The following PCDHGA1 variants were observed in gnomAD, a reference collection of about 807,000 sequenced individuals.
PCDHGA1 encodes the protein protocadherin gamma subfamily A, 1, also known as protocadherin gamma-A1.
Under a neutral mutation model 58.0 loss-of-function variants are expected in PCDHGA1, and 32 were observed. The observed-to-expected ratio is 0.55, with a 90% CI of 0.42 to 0.74. PCDHGA1 has a LOEUF of 0.74. Among genes scored for constraint, PCDHGA1 ranks in the 30% least tolerant of loss-of-function variants. The pLI is 0.00. For missense variants in PCDHGA1, 1,205 were observed against 1,182.3 expected, an observed-to-expected ratio of 1.02 and a Z score of -0.28; for synonymous variants, 498 against 501.1, an observed-to-expected ratio of 0.99 and a Z score of 0.08.
intron 1 of PCDHGA1, among the ~76,000 whole-genome samples, chr5:141,433,847 A>C (rs979302028): frequency 6.6e-6 from 1 of 151,976 alleles, no homozygotes; most frequent in South Asian, 2.1e-4. Context: ...CAAAAAAAAA[A>C]AAAAAAAACT....
At position 141,485,135 on chromosome 5, in the gene PCDHGA1, G is replaced by A; in HGVS notation, c.2422-9672G>A. 6.7e-7 allele frequency: 1 copy of A among 1,500,498 alleles called. No individual in the cohort carries two copies. Among genetic ancestry groups the A allele is most frequent in the East Asian group, 2.3e-5 (1 of 44,254 alleles). 92.9% of individuals were successfully genotyped at this position (1,500,498 alleles called of 1,614,324 possible). A position where few individuals can be genotyped will look rare whatever the true frequency, so the allele number is the denominator to read the frequency against. On this transcript the variant is annotated intron_variant, in intron 1 of 3. Coordinates refer to ENST00000517417, the MANE Select transcript of PCDHGA1 (RefSeq NM_018912.3). The surrounding 1 kb of genome is among the most constrained non-coding windows in gnomAD (Gnocchi z 5.7). ...TGTTTGGGGCGGGTCGGCTTCATCCGCGTCTCAGGAGCAAGTAGAGAATTA... is the reference window on the plus strand; with the variant it reads ...TGTTTGGGGCGGGTCGGCTTCATCCACGTCTCAGGAGCAAGTAGAGAATTA...
chr5:141,413,994 G>A, intron 1 of PCDHGA1: 1 of 1,613,422 alleles, frequency 6.2e-7, no homozygotes, highest in Non-Finnish European at 8.5e-7. Context: ...CCACCGACAG[G>A]GACGAAGGTG....
In PCDHGA1 at chr5:141,476,335, C is replaced by A; in HGVS notation, c.2422-18472C>A. On this transcript the variant is annotated intron_variant, in intron 1 of 3. Coordinates refer to ENST00000517417, the MANE Select transcript of PCDHGA1 (RefSeq NM_018912.3). The surrounding 1 kb of genome is among the most constrained non-coding windows in gnomAD (Gnocchi z 7.6). Reference sequence around the variant, plus strand: ...GGTTCCGGGTGGTGTCTGGAGCTAGCCGAAGATTCTTTGAGGTGAACCGGG... The same window carrying A: ...GGTTCCGGGTGGTGTCTGGAGCTAGACGAAGATTCTTTGAGGTGAACCGGG... 2 of 1,614,120 alleles carry A rather than the reference C, an allele frequency of 1.2e-6. No individual in the cohort carries two copies. Among genetic ancestry groups the A allele is most frequent in the Non-Finnish European group, 1.7e-6 (2 of 1,180,026 alleles).
At position 141,489,380 on chromosome 5, in the gene PCDHGA1, A is replaced by G. The variant is rs753226956; in HGVS notation, c.2422-5427A>G. ...TCTGAGCCGGGGACGCTGGTGGGGA[A>G]TGTTGCTCAGGATCTGGGCTTAAAG... is the stretch of plus-strand genomic sequence containing the variant. On this transcript the variant is annotated intron_variant, in intron 1 of 3. Transcript: ENST00000517417. The surrounding 1 kb of genome is among the most constrained non-coding windows in gnomAD (Gnocchi z 4.5). The G allele has an allele frequency of 1.9e-6, 3 of 1,613,874 alleles. No individual in the cohort carries two copies. Among genetic ancestry groups the G allele is most frequent in the Admixed American group, 1.7e-5 (1 of 60,026 alleles).
At chr5:141,453,552 A>G (rs1005017830) in intron 1 of PCDHGA1, among the ~76,000 whole-genome samples, 2 of 152,188 alleles carry the variant, frequency 1.3e-5, no homozygotes, top group Non-Finnish European at 2.9e-5. Flanking sequence ...CACACTCTGT[A>G]GATAATCGAT....
chr5:141,360,357 T>A, intron 1 of PCDHGA1: 1 of 1,613,878 alleles, frequency 6.2e-7, no homozygotes, highest in African/African-American at 1.3e-5. Flanking sequence ...AGAAGGAATA[T>A]TTCACAGTAA....
chr5:141,491,747 G>C lies in PCDHGA1; in HGVS notation c.2422-3060G>C. 6.3e-7 allele frequency: 1 copy of C among 1,591,872 alleles called. No homozygotes were observed. The highest frequency in any genetic ancestry group is 8.5e-7 in the Non-Finnish European group (1 of 1,170,328). ...CGGGCGACCCCTGGGGGCGGCACTG[G>C]AGAAGCCGCCCGTCCTCATAAGGGA... On this transcript the variant is annotated intron_variant, in intron 1 of 3. Transcript: ENST00000517417. This position sits in a 1 kb window ranked among gnomAD's most constrained non-coding sequence, Gnocchi z 6.9.
chr5:141,452,748 A>G (rs2098748275), intron 1 of PCDHGA1, among the ~76,000 whole-genome samples: 1 of 152,058 alleles, frequency 6.6e-6, no homozygotes, highest in Admixed American at 6.6e-5. Flanking sequence ...GAGAGAAGGA[A>G]GAAGGAAGGG....
intron 1 of PCDHGA1, chr5:141,361,481 C>T (rs1561523775): frequency 6.2e-7 from 1 of 1,614,042 alleles, no homozygotes; most frequent in Non-Finnish European, 8.5e-7. Context: ...AACGATAATG[C>T]CCCAGTTTTC....
At chr5:141,355,077 C>T in intron 1 of PCDHGA1, 2 of 1,404,062 alleles carry the variant, frequency 1.4e-6, no homozygotes, top group South Asian at 3.0e-5. Flanking sequence ...ATGAAAGCTT[C>T]AAGCGGAAGC....
chr5:141,505,249 G>T, intron 2 of PCDHGA1, 144 bp from the exon 3 acceptor site: 1 of 1,447,748 alleles, frequency 6.9e-7, no homozygotes, highest in Non-Finnish European at 9.2e-7. Flanking sequence ...GATTGTAGAA[G>T]TGCCTCCTAC....
In PCDHGA1 at chr5:141,389,714, C is replaced by T. The variant is rs771532940; in HGVS notation, c.2421+56609C>T. Reference sequence around the variant, plus strand: ...TGTCCTACCACGTGCTGCAGGCTAGCGAGCCCGGGCTCTTCAGCCTGGGGC... The same window carrying T: ...TGTCCTACCACGTGCTGCAGGCTAGTGAGCCCGGGCTCTTCAGCCTGGGGC... On this transcript the variant is annotated intron_variant, in intron 1 of 3. Transcript: ENST00000517417. 9 of 1,612,418 alleles carry T rather than the reference C, an allele frequency of 5.6e-6. No individual in the cohort carries two copies. In the Admixed American group the frequency reaches 1.2e-4, roughly 21 times the overall value.
rs750876131 is a variant in PCDHGA1 at position 141,366,508 on chromosome 5, G to C, written c.2421+33403G>C. 2.5e-6 allele frequency: 4 copies of C among 1,614,144 alleles called. No individual in the cohort carries two copies. The African/African-American group carries it at 5.3e-5, about 22-fold the overall frequency. Reference sequence around the variant, plus strand: ...GCTGGCACAAGTCACGCCTGCTTCAGGCTGAAGGCAGCAGGTTGGCGGGTG... The same window carrying C: ...GCTGGCACAAGTCACGCCTGCTTCACGCTGAAGGCAGCAGGTTGGCGGGTG... On this transcript the variant is annotated intron_variant, in intron 1 of 3. Transcript: ENST00000517417.
intron 1 of PCDHGA1, among the ~76,000 whole-genome samples, chr5:141,347,868 G>A (rs1758030852): frequency 6.6e-6 from 1 of 152,050 alleles, no homozygotes; most frequent in Non-Finnish European, 1.5e-5. Flanking sequence ...ATGCTTATGT[G>A]TGTATTCATT....
At chr5:141,403,430 C>A in intron 1 of PCDHGA1, 1 of 1,614,022 alleles carries the variant, frequency 6.2e-7, no homozygotes, top group Non-Finnish European at 8.5e-7. Flanking sequence ...AGCTATTGAT[C>A]CGGATGTTGG....
At chr5:141,373,226 A>G (rs540520010) in intron 1 of PCDHGA1, among the ~76,000 whole-genome samples, 4 of 152,364 alleles carry the variant, frequency 2.6e-5, no homozygotes, top group Middle Eastern at 6.8e-3. Context: ...TAACCTGTAT[A>G]TAATATTTTT....
chr5:141,415,761 T>G (rs1047830043), intron 1 of PCDHGA1: 49 of 1,399,492 alleles, frequency 3.5e-5, no homozygotes, highest in Admixed American at 1.6e-4. Context: ...TTTTTTTTTT[T>G]TTTTTTTTTT....
chr5:141,390,556 CAGTTGTTGG>C, intron 1 of PCDHGA1: 2 of 454,162 alleles, frequency 4.4e-6, no homozygotes, highest in Admixed American at 3.9e-5. Flanking sequence ...AAGTGTTAGA[CAGTTGTTGG>C]CTCTCTCCTA....
rs759346998 is a variant in PCDHGA1, at chr5:141,410,849, C to CTTTTTTTTTTTTTTTTTTTTTTTTTTTTT, written c.2421+77766_2421+77767insTTTTTTTTTTTTTTTTTTTTTTTTTTTTT. 5.4e-5 allele frequency: 7 copies of CTTTTTTTTTTTTTTTTTTTTTTTTTTTTT among 129,786 alleles called. 2 individuals carry two copies. The highest frequency in any genetic ancestry group is 3.0e-4 in the African/African-American group (5 of 16,598). 8.0% of individuals were successfully genotyped at this position (129,786 alleles called of 1,614,324 possible). A position where few individuals can be genotyped will look rare whatever the true frequency, so the allele number is the denominator to read the frequency against. ...CAGACTGAAGATATTTTGTCTTTGT[C>CTTTTTTTTTTTTTTTTTTTTTTTTTTTTT]TTTTTTTTTTTTTTTTTTTTTTGAG... On this transcript the variant is annotated intron_variant, in intron 1 of 3. Transcript: ENST00000517417.
Sources: allele counts gnomAD v4.1 joint callset (sites outside exome capture counted in the v4.1 genomes callset), GRCh38; gene constraint gnomAD v4.1.1; non-coding constraint Gnocchi (gnomAD v3.1); transcripts MANE v1.5; gene names NCBI Gene and HGNC (gene_info 2026-07-23, HGNC 2026-07-21).